RIMS2: variants seen among roughly 807,000 people sequenced by gnomAD.
RIMS2 encodes regulating synaptic membrane exocytosis 2.
A neutral mutation model predicts 174.4 loss-of-function variants in RIMS2; 59 were observed. That is an observed-to-expected ratio of 0.34 (90% confidence interval 0.27 to 0.42). The LOEUF (loss-of-function observed/expected upper bound fraction) is 0.42. Ranked by LOEUF, RIMS2 falls within the 10% of genes least tolerant of loss-of-function variation. The probability of loss-of-function intolerance (pLI) is 1.00; values close to 1 mark genes in which losing one functional copy is unlikely to be tolerated. For synonymous variants in RIMS2, 606 were observed against 572.5 expected (o/e 1.06, Z -0.84); for missense variants, 1,620 against 1,666.3 (o/e 0.97, Z 0.48).
intron 19 of RIMS2, among the ~76,000 whole-genome samples, chr8:104,096,082 A>G (rs572614232): frequency 1.3e-5 from 2 of 152,168 alleles, no homozygotes; most frequent in Non-Finnish European, 2.9e-5. Flanking sequence ...ACTAATAAAG[A>G]TGACCATTTT....
Position 103,915,510 on chromosome 8 carries a change from ATGAC to A in RIMS2, c.1832_1835del (p.Thr611AsnfsTer12). 1 of 1,600,028 alleles carries A rather than the reference ATGAC, an allele frequency of 6.2e-7. No individual in the cohort carries two copies. Among genetic ancestry groups the A allele is most frequent in the Non-Finnish European group, 8.6e-7 (1 of 1,169,544 alleles). Reference sequence around the variant, plus strand: ...TTTTAAACAGGTTGTAGGAGGAAAGATGACTGAATCAGGTCGGCTTTGTGCATTT... The same window carrying A: ...TTTTAAACAGGTTGTAGGAGGAAAGATGAATCAGGTCGGCTTTGTGCATTT... On this transcript the variant is annotated frameshift_variant, in exon 7 of 24. Transcript: ENST00000504942. LOFTEE classifies it high-confidence loss of function.
intron 2 of RIMS2, among the ~76,000 whole-genome samples, chr8:103,706,261 G>A (rs760729836): frequency 6.6e-6 from 1 of 151,928 alleles, no homozygotes; most frequent in Non-Finnish European, 1.5e-5. Flanking sequence ...TTTTAAATAT[G>A]CCTTTCTTTC....
At chr8:103,804,217 A>G (rs912781122) in intron 3 of RIMS2, among the ~76,000 whole-genome samples, 1 of 152,198 alleles carries the variant, frequency 6.6e-6, no homozygotes, top group East Asian at 1.9e-4. Context: ...ATATATTGAG[A>G]TATCACACAT....
chr8:103,603,587 T>G (rs1300058707), intron 1 of RIMS2, among the ~76,000 whole-genome samples: 1 of 152,034 alleles, frequency 6.6e-6, no homozygotes, highest in Admixed American at 6.6e-5. Context: ...ACTTCCACAA[T>G]GGTTGAACTA....
At chr8:103,920,916 G>A (rs1485750503) in intron 9 of RIMS2, 3 of 319,146 alleles carry the variant, frequency 9.4e-6, no homozygotes, top group African/African-American at 6.9e-5. Flanking sequence ...GGAGAATGGC[G>A]TGAACCCGGG....
At chr8:104,062,918 A>T (rs1207537665) in intron 19 of RIMS2, among the ~76,000 whole-genome samples, 2 of 152,040 alleles carry the variant, frequency 1.3e-5, no homozygotes, top group Non-Finnish European at 2.9e-5. Flanking sequence ...TAACTTTAAA[A>T]TTTTTTAAAA....
chr8:103,789,627 G>C (rs904259419), intron 3 of RIMS2, among the ~76,000 whole-genome samples: 2 of 151,960 alleles, frequency 1.3e-5, no homozygotes, highest in African/African-American at 4.8e-5. Context: ...TAGGAGCCAG[G>C]TTAGAATTCT....
At chr8:103,599,777 A>T (rs2094632505) in intron 1 of RIMS2, among the ~76,000 whole-genome samples, 2 of 152,020 alleles carry the variant, frequency 1.3e-5, no homozygotes, top group Admixed American at 1.3e-4. Context: ...TTTTGTGCAT[A>T]CATAGTAAAT....
intron 19 of RIMS2, among the ~76,000 whole-genome samples, chr8:104,172,946 A>G (rs954491330): frequency 2.0e-4 from 31 of 152,222 alleles, no homozygotes; most frequent in African/African-American, 7.2e-4. Flanking sequence ...CGTGAATTAC[A>G]TGAAGATTGC....
chr8:103,659,962 T>C (rs1298047855), intron 1 of RIMS2, among the ~76,000 whole-genome samples: 2 of 152,216 alleles, frequency 1.3e-5, no homozygotes, highest in African/African-American at 4.8e-5. Flanking sequence ...TGATGTGGGC[T>C]CCCGCCTGGA....
intron 6 of RIMS2, among the ~76,000 whole-genome samples, chr8:103,914,164 GGCTAAGGCAGGAGGATT>G (rs1247375525): frequency 2.6e-5 from 4 of 152,176 alleles, no homozygotes; most frequent in African/African-American, 9.7e-5. Context: ...CTACTTGGAA[GGCTAAGGCAGGAGGATT>G]GCTTGAGCCC....
At chr8:104,004,912 T>C (rs779795458) in intron 17 of RIMS2, among the ~76,000 whole-genome samples, 11 of 152,146 alleles carry the variant, frequency 7.2e-5, no homozygotes, top group Non-Finnish European at 1.6e-4. Flanking sequence ...GTTAGTGTTT[T>C]AATGACTGTG....
chr8:104,199,267 T>C (rs919661105), intron 19 of RIMS2, among the ~76,000 whole-genome samples: 3 of 151,996 alleles, frequency 2.0e-5, no homozygotes, highest in African/African-American at 7.3e-5. Flanking sequence ...TTTCACAGTG[T>C]TAGCCAGGAG....
intron 2 of RIMS2, among the ~76,000 whole-genome samples, chr8:103,702,347 T>G (rs987343284): frequency 6.6e-6 from 1 of 152,178 alleles, no homozygotes; most frequent in Admixed American, 6.5e-5. Flanking sequence ...CCTTATTGGA[T>G]AGATAATTTG....
chr8:104,106,218 G>GC (rs1247446443), intron 19 of RIMS2, among the ~76,000 whole-genome samples: 2 of 151,858 alleles, frequency 1.3e-5, no homozygotes, highest in Non-Finnish European at 2.9e-5. Flanking sequence ...ATAGGCATGA[G>GC]CCCCCCAGCC....
intron 3 of RIMS2, among the ~76,000 whole-genome samples, chr8:103,853,764 C>A (rs1273878085): frequency 2.0e-5 from 3 of 152,094 alleles, no homozygotes; most frequent in Non-Finnish European, 4.4e-5. Flanking sequence ...ACACAAGTAC[C>A]ATGCTGTTTT....
chr8:103,893,005 T>A (rs1304897658), intron 4 of RIMS2, among the ~76,000 whole-genome samples: 1 of 151,978 alleles, frequency 6.6e-6, no homozygotes, highest in Non-Finnish European at 1.5e-5. Context: ...AAAGAGCAAA[T>A]GTCCTAATGG....
chr8:103,578,295 C>T (rs972722149), intron 1 of RIMS2, among the ~76,000 whole-genome samples: 15 of 152,048 alleles, frequency 9.9e-5, no homozygotes, highest in African/African-American at 1.9e-4. Context: ...TTTGGGAGGC[C>T]GAGGCAGGTG....
At chr8:103,793,382 C>A (rs142313278) in intron 3 of RIMS2, among the ~76,000 whole-genome samples, 1 of 151,988 alleles carries the variant, frequency 6.6e-6, no homozygotes, top group African/African-American at 2.4e-5. Context: ...ATTCAACAGC[C>A]CTTCATGCTA....
Sources: gnomAD v4.1 joint callset for allele counts (sites outside exome capture counted in the v4.1 genomes callset) on GRCh38, gnomAD v4.1.1 for gene constraint, MANE v1.5 for transcripts, NCBI Gene and HGNC (gene_info 2026-07-23, HGNC 2026-07-21) for gene names.